SULT6B1: variants seen among roughly 807,000 people sequenced by gnomAD.
SULT6B1 encodes sulfotransferase 6B1.
SULT6B1 carries 44 observed loss-of-function variants against 37.2 expected under a neutral mutation model. The ratio of observed to expected loss-of-function variants is 1.18; its 90% CI spans 0.93 to 1.52. The LOEUF is 1.52. Ranked by LOEUF, SULT6B1 falls within the 40% of genes most tolerant of loss-of-function variation. The pLI is 0.00. For synonymous variants in SULT6B1, 140 were observed against 126.0 expected (o/e 1.11, Z -0.74); for missense variants, 450 against 361.0 (o/e 1.25, Z -2.00).
intron 2 of SULT6B1, among the ~76,000 whole-genome samples, chr2:37,186,767 G>A (rs1265785405): frequency 1.3e-5 from 2 of 152,002 alleles, no homozygotes; most frequent in African/African-American, 2.4e-5. Flanking sequence ...GTACTGGCAC[G>A]TGCCTGCAGT....
chr2:37,192,332 C>G (rs1029575228), upstream of SULT6B1, among the ~76,000 whole-genome samples: 1 of 152,086 alleles, frequency 6.6e-6, no homozygotes, highest in Non-Finnish European at 1.5e-5. Context: ...TGTGTCAGTA[C>G]TTTTTAATCT....
At chr2:37,176,676 C>T (rs181368665) in intron 4 of SULT6B1, among the ~76,000 whole-genome samples, 92 of 152,160 alleles carry the variant, frequency 6.0e-4, no homozygotes, top group African/African-American at 1.9e-3. Flanking sequence ...TCACAAATAC[C>T]GTAAGTTGCC....
intron 2 of SULT6B1, among the ~76,000 whole-genome samples, chr2:37,186,319 G>C (rs1032381052): frequency 1.3e-5 from 2 of 152,152 alleles, no homozygotes; most frequent in African/African-American, 2.4e-5. Context: ...GGTGTGTCTA[G>C]GAGTGGGGAG....
chr2:37,175,812 A>G (rs3845785), intron 4 of SULT6B1, among the ~76,000 whole-genome samples: 109,724 of 152,122 alleles, frequency 0.72, 39,876 homozygotes, highest in East Asian at 0.96. Context: ...CATATACTGA[A>G]AATCTCAATT....
At position 37,183,489 on chromosome 2, in the gene SULT6B1, C is replaced by A; in HGVS notation, c.338G>T (p.Arg113Met). ...YQRMKGFPSP[R>M]ILATHLHYDK... The stretch of plus-strand genomic sequence containing the variant: ...ATAGTGGAGGTGAGTTGCCAAAATC[C>A]TTGGTGATGGAAAGCCTTTCATTCT... The change falls in exon 3 of 7, where the codon AGG becomes ATG. Residue 113 changes from arginine (R) to methionine (M), a missense_variant. Arg to Met is a moderately conservative substitution (Grantham distance 91). Coordinates refer to ENST00000535679, the MANE Select transcript of SULT6B1 (RefSeq NM_001367551.1). 1 of 1,613,982 alleles carries A rather than the reference C, an allele frequency of 6.2e-7. No individual in the cohort carries two copies. Among genetic ancestry groups the A allele is most frequent in the Non-Finnish European group, 8.5e-7 (1 of 1,179,954 alleles).
chr2:37,194,891 T>C lies in SULT6B1; in HGVS notation c.-22+1625A>G, dbSNP rs1477333997. Among the ~76,000 whole-genome samples the C allele has an allele frequency of 2.3e-3, 58 of 25,228 alleles. 1 individual carries two copies. The highest frequency in any genetic ancestry group is 5.1e-3 in the South Asian group (3 of 590). 16.6% of individuals were successfully genotyped at this position (25,228 alleles called of 152,430 possible). A position where few individuals can be genotyped will look rare whatever the true frequency, so the allele number is the denominator to read the frequency against. The stretch of plus-strand genomic sequence containing the variant: ...TCCCTCCCTCCCTCCCTTCCTTCCT[T>C]CCTTCTTTCCTTCCTTCCTTCCTTC... On this transcript the variant is annotated intron_variant, in intron 1 of 7. Transcript: ENST00000407963.
chr2:37,179,622 T>C lies in SULT6B1; in HGVS notation c.403-38A>G, dbSNP rs530552662. On this transcript the variant is annotated intron_variant, in intron 3 of 6. Transcript: ENST00000535679. ...AATTGAGTTAATTTATTTGGGTCTATGTTTTGAAATTTGGAAAATTAAAAG... is the reference window on the plus strand; with the variant it reads ...AATTGAGTTAATTTATTTGGGTCTACGTTTTGAAATTTGGAAAATTAAAAG... The C allele has an allele frequency of 3.7e-5, 59 of 1,593,192 alleles. No homozygotes were observed. The South Asian group carries it at 5.6e-4, about 15-fold the overall frequency.
At chr2:37,183,550 G>T (rs11569750) in intron 2 of SULT6B1, 36 bp from the exon 3 acceptor site, 12 of 1,444,456 alleles carry the variant, frequency 8.3e-6, no homozygotes, top group African/African-American at 5.6e-5. Flanking sequence ...AAATGTGCAC[G>T]TGTGTGCATG....
chr2:37,172,843 T>G (rs1676335724), intron 5 of SULT6B1, among the ~76,000 whole-genome samples: 2 of 147,362 alleles, frequency 1.4e-5, no homozygotes, highest in Middle Eastern at 3.5e-3. Context: ...TGTTTGTTTG[T>G]TTTTGGTTTT....
chr2:37,177,941 G>A (rs547839610), intron 4 of SULT6B1, among the ~76,000 whole-genome samples: 13 of 152,160 alleles, frequency 8.5e-5, no homozygotes, highest in East Asian at 3.9e-4. Context: ...CTATTACACC[G>A]TACAGACTCA....
chr2:37,179,720 G>T (rs1676509997), intron 3 of SULT6B1, 136 bp from the exon 4 acceptor site: 2 of 740,496 alleles, frequency 2.7e-6, no homozygotes, highest in Non-Finnish European at 4.1e-6. Flanking sequence ...ATGACAGTAG[G>T]AAACTGAGGA....
At position 37,167,900 on chromosome 2, in the gene SULT6B1, G is replaced by A. The variant is rs750361182; in HGVS notation, c.*35C>T. 3.3e-6 allele frequency: 5 copies of A among 1,510,580 alleles called. No individual in the cohort carries two copies. The highest frequency in any genetic ancestry group is 1.4e-5 in the South Asian group (1 of 72,874). 93.6% of individuals were successfully genotyped at this position (1,510,580 alleles called of 1,614,324 possible). On this transcript the variant is annotated 3_prime_UTR_variant, in exon 7 of 7. Transcript: ENST00000535679. Reference sequence around the variant, plus strand: ...ATTATTTACACTTAATTATTATTAAGGAAAATAAATCTAGGCCTGCTGAAT... The same window carrying A: ...ATTATTTACACTTAATTATTATTAAAGAAAATAAATCTAGGCCTGCTGAAT...
chr2:37,182,696 C>CAAGA (rs974108796), intron 3 of SULT6B1, among the ~76,000 whole-genome samples: 3 of 151,906 alleles, frequency 2.0e-5, no homozygotes, highest in Non-Finnish European at 2.9e-5. Flanking sequence ...AAAAAGGCAC[C>CAAGA]AAGAAATAAG....
intron 4 of SULT6B1, among the ~76,000 whole-genome samples, chr2:37,175,498 G>A (rs776985494): frequency 2.0e-5 from 3 of 152,082 alleles, no homozygotes; most frequent in Non-Finnish European, 4.4e-5. Context: ...AGACATTCAT[G>A]AATATTTAGG....
intron 1 of SULT6B1, among the ~76,000 whole-genome samples, chr2:37,195,833 T>C (rs1647143764): frequency 1.2e-4 from 18 of 152,140 alleles, no homozygotes; most frequent in Admixed American, 1.2e-3. Flanking sequence ...TGCATTTTTT[T>C]TTTTTTGAGA....
At chr2:37,170,965 G>A (rs757728771) in intron 6 of SULT6B1, among the ~76,000 whole-genome samples, 5 of 151,372 alleles carry the variant, frequency 3.3e-5, no homozygotes, top group Admixed American at 2.0e-4. Context: ...GCGGCCGGGC[G>A]CGGTGGCTCA....
At chr2:37,173,550 C>T (rs1198873116) in intron 5 of SULT6B1, among the ~76,000 whole-genome samples, 3 of 152,118 alleles carry the variant, frequency 2.0e-5, no homozygotes, top group African/African-American at 4.8e-5. Flanking sequence ...TTTAATGTGT[C>T]CAAAACCAAA....
chr2:37,178,953 T>TTGTG (rs1553342961), intron 4 of SULT6B1, among the ~76,000 whole-genome samples: 1 of 151,106 alleles, frequency 6.6e-6, no homozygotes, highest in East Asian at 2.0e-4. Context: ...CAAATTAGTT[T>TTGTG]TTTGTTTGTT....
At chr2:37,182,448 G>A (rs1433507842) in intron 3 of SULT6B1, among the ~76,000 whole-genome samples, 2 of 151,838 alleles carry the variant, frequency 1.3e-5, no homozygotes, top group Admixed American at 6.6e-5. Flanking sequence ...AAAAATTGGG[G>A]GTTTTGCCAT....
Sources: gnomAD v4.1 joint callset for allele counts (sites outside exome capture counted in the v4.1 genomes callset) on GRCh38, gnomAD v4.1.1 for gene constraint, MANE v1.5 for transcripts, NCBI Gene and HGNC (gene_info 2026-07-23, HGNC 2026-07-21) for gene names.